Variants in JMY observed in about 807,000 individuals in gnomAD.
The protein encoded by JMY is junction mediating and regulatory protein, p53 cofactor, also known as junction-mediating and -regulatory protein.
In JMY, 46 loss-of-function variants were observed where a neutral mutation model predicts 103.3. That is an observed-to-expected ratio of 0.45 (90% confidence interval 0.35 to 0.57). JMY has a LOEUF of 0.57. Ranked by LOEUF, JMY falls within the 20% of genes least tolerant of loss-of-function variation. The probability of loss-of-function intolerance (pLI) is 0.00; values close to 1 mark genes in which losing one functional copy is unlikely to be tolerated. For synonymous variants in JMY, 526 were observed against 489.3 expected (o/e 1.07, Z -0.99); for missense variants, 1,238 against 1,255.2 (o/e 0.99, Z 0.21).
At chr5:79,285,395 C>A (rs1340778531) in intron 2 of JMY, among the ~76,000 whole-genome samples, 1 of 151,662 alleles carries the variant, frequency 6.6e-6, no homozygotes, top group Non-Finnish European at 1.5e-5. Flanking sequence ...TCAGTATCTA[C>A]TCCATCCCCT....
At chr5:79,289,575 T>C (rs1343149829) in intron 2 of JMY, among the ~76,000 whole-genome samples, 1 of 152,222 alleles carries the variant, frequency 6.6e-6, no homozygotes, top group Non-Finnish European at 1.5e-5. Flanking sequence ...TAAATTTTGT[T>C]TTAGCATTCA....
At chr5:79,312,370 A>C (rs1192909985) in intron 7 of JMY, 33 bp from the exon 8 acceptor site, 1 of 1,285,816 alleles carries the variant, frequency 7.8e-7, no homozygotes, top group Non-Finnish European at 1.1e-6. Flanking sequence ...ATTGGGACAC[A>C]GCATAATGGA....
chr5:79,283,493 T>C (rs1352133542), intron 2 of JMY, among the ~76,000 whole-genome samples: 5 of 152,210 alleles, frequency 3.3e-5, no homozygotes, highest in Non-Finnish European at 7.3e-5. Context: ...ATTTATGATA[T>C]TAACATAATA....
At chr5:79,248,605 G>A (rs1397098599) in intron 1 of JMY, among the ~76,000 whole-genome samples, 1 of 151,776 alleles carries the variant, frequency 6.6e-6, no homozygotes, top group Non-Finnish European at 1.5e-5. Context: ...CACCGCGCCG[G>A]CCTCCTTCTT....
intron 3 of JMY, 32 bp from the exon 4 acceptor site, chr5:79,291,097 TG>T (rs749367059): frequency 6.9e-7 from 1 of 1,455,170 alleles, no homozygotes; most frequent in Non-Finnish European, 9.2e-7. Context: ...AGTTGTTATT[TG>T]TCTTAATTTC....
At chr5:79,305,002 C>T (rs1340266047) in intron 6 of JMY, among the ~76,000 whole-genome samples, 1 of 152,196 alleles carries the variant, frequency 6.6e-6, no homozygotes, top group Non-Finnish European at 1.5e-5. Context: ...TTATCTAACA[C>T]GCCCTTTGTT....
At position 79,258,311 on chromosome 5, in the gene JMY, G is replaced by GTTTTTTTTTTTTTTTTT; in HGVS notation, c.1033-19597_1033-19596insTTTTTTTTTTTTTTTTT. The stretch of plus-strand genomic sequence containing the variant: ...AGATATTAGGGCTTTTTTTGTTTTT[G>GTTTTTTTTTTTTTTTTT]TTGTTTTTTTTTTTTTTTTGACAGG... On this transcript the variant is annotated intron_variant, in intron 1 of 10. Coordinates refer to ENST00000396137, the MANE Select transcript of JMY (RefSeq NM_152405.5). Among the ~76,000 whole-genome samples the GTTTTTTTTTTTTTTTTT allele has an allele frequency of 2.4e-5, 2 of 81,812 alleles. 1 individual carries two copies. The highest frequency in any genetic ancestry group is 6.4e-5 in the African/African-American group (2 of 31,078). The allele number at this position is 81,812 out of a possible 152,430, so 53.7% of individuals were successfully genotyped here. A position where few individuals can be genotyped will look rare whatever the true frequency, so the allele number is the denominator to read the frequency against.
intron 1 of JMY, among the ~76,000 whole-genome samples, chr5:79,241,080 C>A (rs1438467154): frequency 2.0e-5 from 3 of 152,010 alleles, no homozygotes. Context: ...GTCTTTTTTC[C>A]TACAGTATTC....
intron 7 of JMY, 116 bp from the exon 8 acceptor site, chr5:79,312,286 AT>A: frequency 2.0e-6 from 1 of 491,364 alleles, no homozygotes; most frequent in Non-Finnish European, 3.6e-6. Flanking sequence ...ACAAAAAAAA[AT>A]TTTGTTCAGT....
chr5:79,300,000 A>ATT (rs36021080), intron 4 of JMY, among the ~76,000 whole-genome samples, 153 bp from the exon 5 acceptor site: 46 of 151,708 alleles, frequency 3.0e-4, no homozygotes, highest in South Asian at 1.2e-3. Context: ...ATATATATAT[A>ATT]TTTTTAAAGT....
chr5:79,251,879 AT>A (rs774250690), intron 1 of JMY, among the ~76,000 whole-genome samples: 17 of 152,128 alleles, frequency 1.1e-4, no homozygotes, highest in Non-Finnish European at 2.4e-4. Context: ...GATTCAAGCG[AT>A]TCTTCTGCCT....
In JMY at chr5:79,267,508, C is replaced by T. The variant is rs978265364; in HGVS notation, c.1033-10402C>T. On this transcript the variant is annotated intron_variant, in intron 1 of 10. Transcript: ENST00000396137. The stretch of plus-strand genomic sequence containing the variant: ...TATAGCCTTTTCAGATTAGTTGTTT[C>T]AGTTAGCAATATACATATAAGGTGT... Among the ~76,000 whole-genome samples, 4 of 152,266 alleles carry T rather than the reference C, an allele frequency of 2.6e-5. 1 individual carries two copies. Among genetic ancestry groups the T allele is most frequent in the Middle Eastern group, 3.4e-3 (1 of 294 alleles).
At chr5:79,283,714 A>T (rs1460588734) in intron 2 of JMY, among the ~76,000 whole-genome samples, 1 of 152,196 alleles carries the variant, frequency 6.6e-6, no homozygotes, top group African/African-American at 2.4e-5. Context: ...GATCTTCTCT[A>T]CTGAAACTCT....
intron 10 of JMY, among the ~76,000 whole-genome samples, chr5:79,318,753 T>TAG (rs1358811808): frequency 4.3e-4 from 21 of 48,338 alleles, no homozygotes; most frequent in Non-Finnish European, 7.1e-4. Flanking sequence ...TATATATATA[T>TAG]ATATATATAG....
chr5:79,300,895 G>T, intron 6 of JMY, 32 bp downstream of exon 6: 8 of 1,529,636 alleles, frequency 5.2e-6, no homozygotes, highest in Non-Finnish European at 7.1e-6. Flanking sequence ...TCATTATTTA[G>T]TCTTTTATCC....
At chr5:79,276,053 TG>T (rs1305783643) in intron 1 of JMY, among the ~76,000 whole-genome samples, 1 of 152,196 alleles carries the variant, frequency 6.6e-6, no homozygotes, top group East Asian at 1.9e-4. Context: ...AGCAGGTAAA[TG>T]GAGTCCATGT....
At chr5:79,253,730 AC>A (rs377363134) in intron 1 of JMY, among the ~76,000 whole-genome samples, 1 of 151,740 alleles carries the variant, frequency 6.6e-6, no homozygotes, top group African/African-American at 2.4e-5. Flanking sequence ...ACAGGGTCTC[AC>A]TCTGTCTAGG....
chr5:79,283,807 A>G (rs565847706), intron 2 of JMY, among the ~76,000 whole-genome samples: 1 of 152,316 alleles, frequency 6.6e-6, no homozygotes, highest in South Asian at 2.1e-4. Flanking sequence ...CCACTAGCCT[A>G]ATAAAACAGG....
Position 79,236,999 on chromosome 5 carries a change from C to T in JMY, c.349C>T (p.Arg117Trp), listed in dbSNP as rs556304176. 29 of 1,476,286 alleles carry T rather than the reference C, an allele frequency of 2.0e-5. No homozygotes were observed. In the Admixed American group the frequency reaches 5.3e-4, roughly 27 times the overall value. 91.4% of individuals were successfully genotyped at this position (1,476,286 alleles called of 1,614,324 possible). A position where few individuals can be genotyped will look rare whatever the true frequency, so the allele number is the denominator to read the frequency against. The change falls in exon 1 of 11, where the codon CGG (arginine) becomes TGG (tryptophan). Residue 117 changes from arginine (R) to tryptophan (W), a missense_variant. By Grantham distance (101) the Arg-to-Trp change is moderately radical (BLOSUM62 -3). Coordinates refer to ENST00000396137, the MANE Select transcript of JMY (RefSeq NM_152405.5). The part of the protein sequence containing the change: ...SSAWAEGGSP[R>W]STRSLLGDPR... Reference sequence around the variant, plus strand: ...GGCCTGGGCGGAGGGCGGCTCTCCTCGGAGCACTCGCAGCCTTCTGGGGGA... The same window carrying T: ...GGCCTGGGCGGAGGGCGGCTCTCCTTGGAGCACTCGCAGCCTTCTGGGGGA...
Sources: gnomAD v4.1 joint callset for allele counts (sites outside exome capture counted in the v4.1 genomes callset) on GRCh38, gnomAD v4.1.1 for gene constraint, MANE v1.5 for transcripts, NCBI Gene and HGNC (gene_info 2026-07-23, HGNC 2026-07-21) for gene names.